The following CCDC172 variants were observed in gnomAD, a reference collection of about 807,000 sequenced individuals.
The protein encoded by CCDC172 is coiled-coil domain-containing protein 172.
Under a neutral mutation model 38.0 loss-of-function variants are expected in CCDC172, and 30 were observed. The observed-to-expected ratio is 0.79, with a 90% CI of 0.59 to 1.07. The LOEUF (loss-of-function observed/expected upper bound fraction) is 1.07. Ranked by LOEUF, CCDC172 falls within the 50% of genes least tolerant of loss-of-function variation. CCDC172 has a pLI of 0.00. For synonymous variants in CCDC172, 78 were observed against 88.3 expected (o/e 0.88, Z 0.66); for missense variants, 297 against 290.1 (o/e 1.02, Z -0.17).
At chr10:116,351,338 A>C (rs1844928516) in intron 5 of CCDC172, among the ~76,000 whole-genome samples, 1 of 152,158 alleles carries the variant, frequency 6.6e-6, no homozygotes, top group Admixed American at 6.5e-5. Context: ...ACATGAACGT[A>C]TTTTCTTTTC....
intron 7 of CCDC172, among the ~76,000 whole-genome samples, chr10:116,372,860 A>G (rs950075172): frequency 1.3e-5 from 2 of 152,202 alleles, no homozygotes; most frequent in Non-Finnish European, 2.9e-5. Flanking sequence ...AATCATGCAA[A>G]CCAGAAGACA....
chr10:116,330,243 T>C lies in CCDC172; in HGVS notation c.165+4855T>C, dbSNP rs373757701. On this transcript the variant is annotated intron_variant, in intron 3 of 8. Coordinates refer to ENST00000333254, the MANE Select transcript of CCDC172 (RefSeq NM_198515.3). ...TAGAATTTTGGAGGATTCCTATCTATCTTGGCAGCTTGGCAGCTTCCTGGT... is the reference window on the plus strand; with the variant it reads ...TAGAATTTTGGAGGATTCCTATCTACCTTGGCAGCTTGGCAGCTTCCTGGT... Among the ~76,000 whole-genome samples, 7 of 152,342 alleles carry C rather than the reference T, an allele frequency of 4.6e-5. No homozygotes were observed. The East Asian group carries it at 1.4e-3, about 29-fold the overall frequency.
intron 8 of CCDC172, among the ~76,000 whole-genome samples, chr10:116,378,789 T>G (rs1845279016): frequency 4.6e-5 from 7 of 152,164 alleles, no homozygotes; most frequent in Admixed American, 4.6e-4. Flanking sequence ...CTCATAACAT[T>G]TCCTTGACTG....
chr10:116,373,472 A>T (rs1408065796), intron 7 of CCDC172, among the ~76,000 whole-genome samples: 1 of 152,156 alleles, frequency 6.6e-6, no homozygotes, highest in Non-Finnish European at 1.5e-5. Context: ...AAACTGTTTT[A>T]AGTTTCTTAT....
At chr10:116,326,329 G>A (rs144582496) in intron 3 of CCDC172, among the ~76,000 whole-genome samples, 37 of 152,258 alleles carry the variant, frequency 2.4e-4, no homozygotes, top group African/African-American at 8.7e-4. Context: ...ATTTAAGTGT[G>A]CCACAATGAA....
chr10:116,374,706 T>C (rs1377483811), intron 7 of CCDC172, among the ~76,000 whole-genome samples: 2 of 151,958 alleles, frequency 1.3e-5, no homozygotes, highest in East Asian at 1.9e-4. Flanking sequence ...AAAGCACATA[T>C]AGAACAAATA....
At chr10:116,378,189 A>G (rs1014269109) in intron 7 of CCDC172, among the ~76,000 whole-genome samples, 2 of 152,184 alleles carry the variant, frequency 1.3e-5, no homozygotes, top group Non-Finnish European at 2.9e-5. Context: ...TCAAAAAACA[A>G]CAACAACAAA....
At position 116,378,523 on chromosome 10, in the gene CCDC172, T is replaced by C. The variant is rs769408053; in HGVS notation, c.741+13T>C. The C allele has an allele frequency of 2.5e-6, 4 of 1,586,536 alleles. No homozygotes were observed. The African/African-American group carries it at 5.4e-5, about 22-fold the overall frequency. On this transcript the variant is annotated intron_variant, in intron 8 of 8. Coordinates refer to ENST00000333254, the MANE Select transcript of CCDC172 (RefSeq NM_198515.3). ...ATTTTTGGAGTTGGTAAGTTATCATTGATTGTTTAACTTTTGTTCAGCATT... is the reference window on the plus strand; with the variant it reads ...ATTTTTGGAGTTGGTAAGTTATCATCGATTGTTTAACTTTTGTTCAGCATT...
intron 5 of CCDC172, among the ~76,000 whole-genome samples, chr10:116,354,140 G>T (rs189764027): frequency 6.6e-6 from 1 of 152,176 alleles, no homozygotes; most frequent in Admixed American, 6.5e-5. Flanking sequence ...GCCTAGTGAC[G>T]TTGTGGCACA....
intron 3 of CCDC172, among the ~76,000 whole-genome samples, chr10:116,339,494 GA>G (rs1355497130): frequency 2.0e-5 from 3 of 151,778 alleles, no homozygotes. Context: ...TTCTGAGACA[GA>G]AAAATACTAA....
intron 5 of CCDC172, among the ~76,000 whole-genome samples, chr10:116,351,335 C>T (rs575448424): frequency 5.9e-5 from 9 of 152,128 alleles, no homozygotes; most frequent in South Asian, 2.1e-4. Context: ...TAAACATGAA[C>T]GTATTTTCTT....
chr10:116,325,300 C>T lies in CCDC172; in HGVS notation c.80-3C>T, dbSNP rs760736227. 233 of 1,610,204 alleles carry T rather than the reference C, an allele frequency of 1.4e-4. No homozygotes were observed. The highest frequency in any genetic ancestry group is 1.9e-4 in the Non-Finnish European group (222 of 1,177,828). ...GTGTTTAAAGATTTAATTTTTATTA[C>T]AGTAAGGTCGGAAATAACCAGATGT... On this transcript the variant is annotated splice_region_variant and splice_polypyrimidine_tract_variant and intron_variant, in intron 2 of 8. Coordinates refer to ENST00000333254, the MANE Select transcript of CCDC172 (RefSeq NM_198515.3).
intron 5 of CCDC172, among the ~76,000 whole-genome samples, chr10:116,347,404 T>C (rs906740102): frequency 1.3e-5 from 2 of 152,064 alleles, no homozygotes; most frequent in African/African-American, 4.8e-5. Flanking sequence ...AGGGAGCAGA[T>C]TGAGGTAATA....
At chr10:116,374,221 G>A (rs994700359) in intron 7 of CCDC172, among the ~76,000 whole-genome samples, 5 of 152,056 alleles carry the variant, frequency 3.3e-5, no homozygotes, top group African/African-American at 1.2e-4. Flanking sequence ...AGTCACATGA[G>A]TAGTGATGCT....
intron 8 of CCDC172, 92 bp downstream of exon 8, chr10:116,378,602 T>C (rs1845277492): frequency 1.1e-6 from 1 of 899,484 alleles, no homozygotes; most frequent in African/African-American, 1.7e-5. Context: ...ACTGAACTAG[T>C]GTTTAATCCC....
chr10:116,366,484 G>T (rs762834844), intron 7 of CCDC172, among the ~76,000 whole-genome samples: 1 of 152,056 alleles, frequency 6.6e-6, no homozygotes, highest in Non-Finnish European at 1.5e-5. Flanking sequence ...TTTGAGTTCT[G>T]TAAAAATTAT....
In CCDC172 at chr10:116,325,335, A is replaced by C. The variant is rs148364249; in HGVS notation, c.112A>C (p.Ile38Leu). The C allele has an allele frequency of 1.2e-6, 2 of 1,613,950 alleles. No individual in the cohort carries two copies. Among genetic ancestry groups the C allele is most frequent in the African/African-American group, 2.7e-5 (2 of 74,942 alleles). The change falls in exon 3 of 9, where the codon ATT becomes CTT. Residue 38 changes from isoleucine (I) to leucine (L), a missense_variant. Coordinates refer to ENST00000333254, the MANE Select transcript of CCDC172 (RefSeq NM_198515.3). ...RSEITRCREK[I>L]KKATEELNEE... ...GGAAATAACCAGATGTCGTGAAAAA[A>C]TTAAGAAAGCAACGGAGGAGCTGAA...
Position 116,325,372 on chromosome 10 carries a change from T to C in CCDC172, c.149T>C (p.Ile50Thr). The change falls in exon 3 of 9, where the codon ATC becomes ACC. Residue 50 changes from isoleucine to threonine, a missense_variant. Ile to Thr is a moderately conservative substitution (Grantham distance 89). Coordinates refer to ENST00000333254, the MANE Select transcript of CCDC172 (RefSeq NM_198515.3). ...ACGGAGGAGCTGAATGAAGAGAAAA[T>C]CAAGCTGGAATCTAAGGTATTGAAA... ...KATEELNEEK[I>T]KLESKVQQFF... 6.2e-7 allele frequency: 1 copy of C among 1,613,378 alleles called. No individual in the cohort carries two copies. Among genetic ancestry groups the C allele is most frequent in the Non-Finnish European group, 8.5e-7 (1 of 1,179,644 alleles).
At chr10:116,348,187 G>A (rs1020695723) in intron 5 of CCDC172, among the ~76,000 whole-genome samples, 2 of 151,842 alleles carry the variant, frequency 1.3e-5, no homozygotes, top group African/African-American at 2.4e-5. Context: ...ACTCTTCTTG[G>A]TGGTGGTGGT....
Sources: gnomAD v4.1 joint callset for allele counts (sites outside exome capture counted in the v4.1 genomes callset) on GRCh38, gnomAD v4.1.1 for gene constraint, MANE v1.5 for transcripts, NCBI Gene and HGNC (gene_info 2026-07-23, HGNC 2026-07-21) for gene names.